The following MTM1 variants were observed in gnomAD, a reference collection of about 807,000 sequenced individuals.
MTM1 encodes the protein myotubularin 1.
Under a neutral mutation model 52.1 loss-of-function variants are expected in MTM1, and 9 were observed. The observed-to-expected ratio is 0.17, with a 90% CI of 0.10 to 0.30. MTM1 has a LOEUF of 0.30. MTM1 is among the 10% of genes least tolerant of loss of function. The pLI is 1.00. For missense variants in MTM1, 277 were observed against 470.7 expected (o/e 0.59, Z 3.81); for synonymous variants, 136 against 163.8 (o/e 0.83, Z 1.29).
At chrX:150,656,808 C>T (rs887774269) in intron 10 of MTM1, among the ~76,000 whole-genome samples, 2 of 111,764 alleles carry the variant, frequency 1.8e-5, no homozygotes, top group South Asian at 3.7e-4. Flanking sequence ...AACATGTGGG[C>T]GAAGGATATG....
chrX:150,647,923 GA>G (rs2039961787), intron 9 of MTM1, among the ~76,000 whole-genome samples: 2 of 112,069 alleles, frequency 1.8e-5, no homozygotes, highest in South Asian at 7.4e-4. Context: ...CATTAGCGAT[GA>G]GTAATAAAGT....
chrX:150,615,199 G>A (rs73250560), intron 5 of MTM1, among the ~76,000 whole-genome samples: 4,154 of 111,612 alleles, frequency 0.037, 70 homozygotes, highest in Non-Finnish European at 0.059. Context: ...CATGCTAGGT[G>A]CTTTGCATTT....
At chrX:150,579,015 A>C (rs1557411761) in intron 1 of MTM1, among the ~76,000 whole-genome samples, 1 of 46,939 alleles carries the variant, frequency 2.1e-5, no homozygotes, top group African/African-American at 6.5e-5. Context: ...GTATCTATAT[A>C]TCTCTATCTA....
chrX:150,608,463 C>T (rs1477307907), intron 4 of MTM1, among the ~76,000 whole-genome samples: 1 of 112,167 alleles, frequency 8.9e-6, no homozygotes, highest in East Asian at 2.8e-4. Context: ...AAGCGATCCG[C>T]CTGCCTCCGC....
intron 5 of MTM1, among the ~76,000 whole-genome samples, chrX:150,617,719 A>T (rs1557413170): frequency 8.9e-6 from 1 of 111,970 alleles, no homozygotes; most frequent in African/African-American, 3.3e-5. Context: ...AAGCGTTAAG[A>T]GTGCTCTTGA....
chrX:150,645,596 C>A (rs2039916596), intron 8 of MTM1, 87 bp from the exon 9 acceptor site: 10 of 866,693 alleles, frequency 1.2e-5, no homozygotes, highest in Non-Finnish European at 1.7e-5. Context: ...TTCTTGATAA[C>A]CGTCAGTGCT....
chrX:150,580,538 TTTTTTTTCAGGTTA>T (rs2038562271), intron 1 of MTM1, among the ~76,000 whole-genome samples: 1 of 111,564 alleles, frequency 9.0e-6, no homozygotes. Flanking sequence ...TTCTGCCTTT[TTTTTTTTCAGGTTA>T]TTTCTGCCCC....
At chrX:150,624,732 T>C (rs1416945391) in intron 6 of MTM1, among the ~76,000 whole-genome samples, 2 of 111,663 alleles carry the variant, frequency 1.8e-5, no homozygotes, top group African/African-American at 6.5e-5. Context: ...TTCTCTCCGG[T>C]GTATGTGTGT....
chrX:150,615,916 T>C (rs2039377135), intron 5 of MTM1, among the ~76,000 whole-genome samples: 1 of 111,262 alleles, frequency 9.0e-6, no homozygotes, highest in Non-Finnish European at 1.9e-5. Flanking sequence ...CTGTCTACCC[T>C]TTGGGGCCTA....
Position 150,649,916 on chromosome X carries a change from T to C in MTM1, c.1053+15T>C. 8.6e-7 allele frequency: 1 copy of C among 1,168,005 alleles called. No homozygotes were observed. On this transcript the variant is annotated intron_variant, in intron 10 of 14. Transcript: ENST00000370396. ...AACATATCAAGGCAAGTATATTTTG[T>C]GAAAATATTTGTGTATATAAAAAAG...
intron 9 of MTM1, among the ~76,000 whole-genome samples, chrX:150,648,371 T>G (rs781790226): frequency 8.9e-6 from 1 of 112,099 alleles, no homozygotes; most frequent in Non-Finnish European, 1.9e-5. Flanking sequence ...CTTTGGCCCT[T>G]CTATCCATGG....
At chrX:150,577,464 C>T (rs1434060275) in intron 1 of MTM1, among the ~76,000 whole-genome samples, 2 of 112,528 alleles carry the variant, frequency 1.8e-5, no homozygotes, top group Non-Finnish European at 3.8e-5. Context: ...AAAATGTTAG[C>T]CATTTGACTG....
chrX:150,634,692 T>C (rs1297681956), intron 6 of MTM1, among the ~76,000 whole-genome samples: 1 of 111,473 alleles, frequency 9.0e-6, no homozygotes, highest in Non-Finnish European at 1.9e-5. Context: ...CAAATACTAA[T>C]ATAGAGCAAA....
At chrX:150,577,541 G>A (rs1653663583) in intron 1 of MTM1, among the ~76,000 whole-genome samples, 1 of 112,457 alleles carries the variant, frequency 8.9e-6, no homozygotes, top group African/African-American at 3.2e-5. Context: ...TAGTGAGCAT[G>A]TCTTTATGTG....
intron 8 of MTM1, among the ~76,000 whole-genome samples, chrX:150,642,025 T>A (rs1454930387): frequency 9.0e-6 from 1 of 111,204 alleles, no homozygotes; most frequent in Non-Finnish European, 1.9e-5. Context: ...TGACAAAAAT[T>A]GACTAAAAAT....
intron 4 of MTM1, among the ~76,000 whole-genome samples, chrX:150,610,636 G>A (rs1443490849): frequency 9.0e-6 from 1 of 111,554 alleles, no homozygotes; most frequent in East Asian, 2.8e-4. Context: ...TGGCCTGCTG[G>A]GTTATCTGAT....
At chrX:150,581,128 A>G (rs782634187) in intron 1 of MTM1, among the ~76,000 whole-genome samples, 61 of 112,258 alleles carry the variant, frequency 5.4e-4, no homozygotes, top group Non-Finnish European at 9.6e-4. Context: ...TATCACCTCT[A>G]TTAATACATA....
intron 1 of MTM1, among the ~76,000 whole-genome samples, chrX:150,579,175 C>T (rs1557411782): frequency 9.0e-6 from 1 of 110,530 alleles, no homozygotes; most frequent in Admixed American, 9.6e-5. Flanking sequence ...CCGCCTCAAC[C>T]TCCTGAGTAG....
chrX:150,667,395 A>G, intron 14 of MTM1, among the ~76,000 whole-genome samples: 1 of 111,763 alleles, frequency 8.9e-6, no homozygotes, highest in South Asian at 3.7e-4. Context: ...ACCCTGCTCT[A>G]GTCTTCTGTA....
Sources: allele counts gnomAD v4.1 joint callset (sites outside exome capture counted in the v4.1 genomes callset), GRCh38; gene constraint gnomAD v4.1.1; transcripts MANE v1.5; gene names NCBI Gene and HGNC (gene_info 2026-07-23, HGNC 2026-07-21).